CRB1: variants seen among roughly 807,000 people sequenced by gnomAD.
CRB1 encodes protein crumbs homolog 1.
CRB1 carries 83 observed loss-of-function variants against 120.0 expected under a neutral mutation model. The observed-to-expected ratio is 0.69, with a 90% CI of 0.58 to 0.83. The LOEUF is 0.83. Among genes scored for constraint, CRB1 ranks in the 40% least tolerant of loss-of-function variants. CRB1 has a pLI of 0.00. For synonymous variants in CRB1, 625 were observed against 612.5 expected, an observed-to-expected ratio of 1.02 and a Z score of -0.30; for missense variants, 1,699 against 1,687.6, an observed-to-expected ratio of 1.01 and a Z score of -0.12.
intron 6 of CRB1, 69 bp from the exon 7 acceptor site, chr1:197,427,385 T>C (rs1664636978): frequency 7.0e-7 from 1 of 1,432,770 alleles, no homozygotes; most frequent in African/African-American, 1.4e-5. Flanking sequence ...TCGTCTTCCA[T>C]CCCTTCTGTC....
chr1:197,218,037 A>G, the CRB1 span, among the ~76,000 whole-genome samples: 1 of 152,224 alleles, frequency 6.6e-6, no homozygotes, highest in Non-Finnish European at 1.5e-5. Context: ...CTTCAATTAA[A>G]AAACAATTTC....
At chr1:197,325,341 T>C (rs1658432127) in intron 1 of CRB1, among the ~76,000 whole-genome samples, 1 of 152,202 alleles carries the variant, frequency 6.6e-6, no homozygotes, top group African/African-American at 2.4e-5. Flanking sequence ...AGTAGCATTG[T>C]TTATACCTTC....
intron 11 of CRB1, among the ~76,000 whole-genome samples, chr1:197,468,469 AC>A (rs1666842727): frequency 6.6e-6 from 1 of 152,106 alleles, no homozygotes; most frequent in Admixed American, 6.6e-5. Flanking sequence ...AATGAATTTC[AC>A]CACCAACAAA....
the CRB1 span, among the ~76,000 whole-genome samples, chr1:197,215,571 C>T: frequency 5.9e-5 from 9 of 152,216 alleles, no homozygotes; most frequent in East Asian, 1.9e-4. Flanking sequence ...CCACTGTGCC[C>T]GGCGGGAGGT....
At chr1:197,226,641 T>A in the CRB1 span, among the ~76,000 whole-genome samples, 1 of 151,926 alleles carries the variant, frequency 6.6e-6, no homozygotes, top group Non-Finnish European at 1.5e-5. Flanking sequence ...TTAGCATCCA[T>A]AGAAGAAGAG....
chr1:197,212,495 A>C, the CRB1 span, among the ~76,000 whole-genome samples: 1 of 152,170 alleles, frequency 6.6e-6, no homozygotes, highest in Admixed American at 6.5e-5. Flanking sequence ...ACAAAATAAC[A>C]TGTTGAGTAA....
chr1:197,331,970 G>A (rs1012425088), intron 2 of CRB1, among the ~76,000 whole-genome samples: 2 of 151,984 alleles, frequency 1.3e-5, no homozygotes, highest in Non-Finnish European at 1.5e-5. Flanking sequence ...GTCAGGAGAT[G>A]GATACCACAC....
chr1:197,461,047 G>C (rs906494523), intron 11 of CRB1, among the ~76,000 whole-genome samples: 3 of 152,002 alleles, frequency 2.0e-5, no homozygotes, highest in Non-Finnish European at 2.9e-5. Flanking sequence ...AATCACAGCT[G>C]GCAATATGTA....
chr1:197,458,396 C>A lies in CRB1; in HGVS notation c.4005+16104C>A, dbSNP rs148968667. Among the ~76,000 whole-genome samples, 20 of 152,154 alleles carry A rather than the reference C, an allele frequency of 1.3e-4. 1 individual carries two copies. The East Asian group carries it at 3.5e-3, about 26-fold the overall frequency. On this transcript the variant is annotated intron_variant, in intron 11 of 11. Coordinates refer to ENST00000367400, the MANE Select transcript of CRB1 (RefSeq NM_201253.3). The stretch of plus-strand genomic sequence containing the variant: ...AAATCTAGTTGTCAGAAAAGCCTTA[C>A]AACAAATTTTCTAAATGTTCTCTTC...
At chr1:197,286,096 A>G (rs1164060754) in intron 1 of CRB1, among the ~76,000 whole-genome samples, 1 of 151,832 alleles carries the variant, frequency 6.6e-6, no homozygotes, top group Non-Finnish European at 1.5e-5. Context: ...TGGCTTTTTA[A>G]AGGAAGGAAA....
chr1:197,345,502 C>CTTTTT (rs972072957), intron 3 of CRB1, among the ~76,000 whole-genome samples: 42 of 90,590 alleles, frequency 4.6e-4, no homozygotes, highest in Non-Finnish European at 5.3e-4. Flanking sequence ...AAAATAATGA[C>CTTTTT]TTTTTTTTTT....
At chr1:197,447,906 CT>C (rs993253994) in intron 11 of CRB1, among the ~76,000 whole-genome samples, 1 of 149,622 alleles carries the variant, frequency 6.7e-6, no homozygotes, top group African/African-American at 2.4e-5. Flanking sequence ...CTCACAGTAT[CT>C]TTTTTTACTG....
intron 1 of CRB1, among the ~76,000 whole-genome samples, chr1:197,304,719 C>A (rs1657065076): frequency 6.6e-6 from 1 of 152,232 alleles, no homozygotes; most frequent in Non-Finnish European, 1.5e-5. Flanking sequence ...CATCTACAGG[C>A]TTGCACAGTT....
chr1:197,477,572 G>T lies in CRB1; in HGVS notation c.4006-92G>T, dbSNP rs1135810. On this transcript the variant is annotated intron_variant, in intron 11 of 11. Transcript: ENST00000367400. ...GTACTGAGTGGTACCAGCTTGCTCTGGTTGGTCTTCATTCCTGAGTAGTTC... is the reference window on the plus strand; with the variant it reads ...GTACTGAGTGGTACCAGCTTGCTCTTGTTGGTCTTCATTCCTGAGTAGTTC... 0.4 allele frequency: 467,673 copies of T among 1,166,166 alleles called. 96,545 individuals carry two copies. Among genetic ancestry groups the T allele is most frequent in the Middle Eastern group, 0.43 (2,277 of 5,260 alleles). 72.2% of individuals were successfully genotyped at this position (1,166,166 alleles called of 1,614,324 possible).
chr1:197,238,844 CA>C, the CRB1 span, among the ~76,000 whole-genome samples: 88 of 143,212 alleles, frequency 6.1e-4, no homozygotes, highest in African/African-American at 1.6e-3. Context: ...AACTCTGTCT[CA>C]AAAAAAAAAA....
chr1:197,213,994 C>G, the CRB1 span, among the ~76,000 whole-genome samples: 1 of 151,788 alleles, frequency 6.6e-6, no homozygotes, highest in Non-Finnish European at 1.5e-5. Context: ...ACAAGCTAAG[C>G]CTAAGGTTAG....
At position 197,342,585 on chromosome 1, in the gene CRB1, C is replaced by T. The variant is rs530874756; in HGVS notation, c.653-1696C>T. On this transcript the variant is annotated intron_variant, in intron 2 of 11. Transcript: ENST00000367400. ...TGATTTTTTTAAATGGTATTTGACA[C>T]GCTGGCTGCTCCAAATTTTTCCAGT... 2.3e-4 allele frequency among the ~76,000 whole-genome samples: 35 copies of T among 152,222 alleles called. 1 individual carries two copies. The highest frequency in any genetic ancestry group is 1.2e-3 in the South Asian group (6 of 4,820).
At chr1:197,209,102 C>A in the CRB1 span, among the ~76,000 whole-genome samples, 1 of 152,150 alleles carries the variant, frequency 6.6e-6, no homozygotes, top group African/African-American at 2.4e-5. Flanking sequence ...AAGTTTATTT[C>A]CAGATGGCAT....
At chr1:197,223,545 A>T in the CRB1 span, among the ~76,000 whole-genome samples, 8 of 152,192 alleles carry the variant, frequency 5.3e-5, no homozygotes, top group African/African-American at 1.9e-4. Context: ...AGAAATTAAA[A>T]CATTTAGAAT....
Sources: allele counts gnomAD v4.1 joint callset (sites outside exome capture counted in the v4.1 genomes callset), GRCh38; gene constraint gnomAD v4.1.1; transcripts MANE v1.5; gene names NCBI Gene and HGNC (gene_info 2026-07-23, HGNC 2026-07-21).